ANXA6: variants seen among roughly 807,000 people sequenced by gnomAD.
ANXA6 encodes the protein annexin A6.
Under a neutral mutation model 95.4 loss-of-function variants are expected in ANXA6, and 71 were observed. The observed-to-expected ratio is 0.74, with a 90% CI of 0.61 to 0.91. The LOEUF (loss-of-function observed/expected upper bound fraction) is 0.91. ANXA6 is among the 40% of genes least tolerant of loss of function. The pLI, the probability that ANXA6 is intolerant of heterozygous loss-of-function variation, is 0.00. For synonymous variants in ANXA6, 289 were observed against 315.9 expected, an observed-to-expected ratio of 0.91 and a Z score of 0.90; for missense variants, 830 against 876.4, an observed-to-expected ratio of 0.95 and a Z score of 0.67.
chr5:151,138,761 T>C lies in ANXA6; in HGVS notation c.235A>G (p.Thr79Ala). 2 of 1,613,872 alleles carry C rather than the reference T, an allele frequency of 1.2e-6. No homozygotes were observed. Among genetic ancestry groups the C allele is most frequent in the South Asian group, 2.2e-5 (2 of 91,056 alleles). The change falls in exon 5 of 26, where the codon ACG becomes GCG. Residue 79 changes from threonine (T) to alanine (A), a missense_variant. Transcript: ENST00000354546. ...DLIADLKYEL[T>A]GKFERLIVGL... ...ACAATCAACCGTTCAAACTTGCCCG[T>C]CAATTCATACTTTAAATCAGCAATG...
intron 14 of ANXA6, among the ~76,000 whole-genome samples, 169 bp from the exon 15 acceptor site, chr5:151,124,536 T>TGAGAGAGA (rs56708608): frequency 2.7e-5 from 4 of 146,724 alleles, no homozygotes; most frequent in African/African-American, 1.0e-4. Flanking sequence ...GCACGAGAGC[T>TGAGAGAGA]GAGAGAGAGA....
chr5:151,123,418 G>A (rs1423551563), intron 15 of ANXA6, among the ~76,000 whole-genome samples: 2 of 152,192 alleles, frequency 1.3e-5, no homozygotes, highest in African/African-American at 4.8e-5. Flanking sequence ...TCCAAGTCCT[G>A]TTAGCAACTC....
intron 1 of ANXA6, among the ~76,000 whole-genome samples, chr5:151,154,517 G>A (rs1379274078): frequency 6.6e-6 from 1 of 152,008 alleles, no homozygotes; most frequent in Non-Finnish European, 1.5e-5. Context: ...AAGGCCCCTG[G>A]CCTATAAAAT....
intron 22 of ANXA6, among the ~76,000 whole-genome samples, chr5:151,109,273 G>C (rs1056698518): frequency 1.3e-5 from 2 of 152,192 alleles, no homozygotes; most frequent in African/African-American, 4.8e-5. Flanking sequence ...AAATGTCTCA[G>C]TGCAGGACAC....
chr5:151,130,430 T>C (rs897001836), intron 11 of ANXA6, among the ~76,000 whole-genome samples: 3 of 152,106 alleles, frequency 2.0e-5, no homozygotes, highest in Admixed American at 6.6e-5. Flanking sequence ...CTATTTGTTA[T>C]TTTTGTAGAG....
Position 151,153,223 on chromosome 5 carries a change from T to G in ANXA6, c.-26+4457A>C, listed in dbSNP as rs530941665. On this transcript the variant is annotated intron_variant, in intron 1 of 25. Transcript: ENST00000354546. ...CTTCCACCAACATTTTTAATCCAGC[T>G]TTCCAGAATCTATACCAGTGCTTTT... Among the ~76,000 whole-genome samples, 13 of 152,346 alleles carry G rather than the reference T, an allele frequency of 8.5e-5. No individual in the cohort carries two copies. In the South Asian group the frequency reaches 2.7e-3, roughly 32 times the overall value.
intron 2 of ANXA6, chr5:151,141,393 C>T: frequency 1.8e-6 from 1 of 569,004 alleles, no homozygotes; most frequent in Non-Finnish European, 2.2e-6. Context: ...ACAAGCACAT[C>T]AATTACTATA....
chr5:151,120,488 G>A (rs966905100), intron 17 of ANXA6, among the ~76,000 whole-genome samples: 6 of 151,702 alleles, frequency 4.0e-5, no homozygotes, highest in Non-Finnish European at 8.8e-5. Flanking sequence ...AAGCTGAAGA[G>A]GGCAGATCAC....
chr5:151,102,639 C>T (rs1401014988), intron 25 of ANXA6, among the ~76,000 whole-genome samples: 4 of 152,182 alleles, frequency 2.6e-5, no homozygotes, highest in East Asian at 1.9e-4. Context: ...AGGAGGTGGA[C>T]GTTGCAGTGA....
intron 2 of ANXA6, among the ~76,000 whole-genome samples, chr5:151,143,688 C>G (rs1479690121): frequency 6.6e-6 from 1 of 152,152 alleles, no homozygotes. Flanking sequence ...TCCGGGAGGG[C>G]AGGGACTGTG....
intron 12 of ANXA6, 78 bp downstream of exon 12, chr5:151,129,329 C>T (rs960693373): frequency 2.6e-6 from 4 of 1,562,778 alleles, no homozygotes; most frequent in Non-Finnish European, 3.5e-6. Context: ...ATTTCCTTTT[C>T]CTGGGAATAG....
At chr5:151,151,699 A>C (rs936508743) in intron 1 of ANXA6, among the ~76,000 whole-genome samples, 10 of 152,186 alleles carry the variant, frequency 6.6e-5, no homozygotes, top group South Asian at 2.1e-4. Flanking sequence ...GGATTTTCAC[A>C]GCAGAATATC....
chr5:151,151,035 G>A (rs1250270215), intron 1 of ANXA6: 4 of 152,214 alleles, frequency 2.6e-5, no homozygotes, highest in Non-Finnish European at 4.4e-5. Flanking sequence ...TCAAGGAGGG[G>A]CCTCTTACTG....
At chr5:151,107,351 G>A (rs953387623) in intron 23 of ANXA6, among the ~76,000 whole-genome samples, 1 of 152,328 alleles carries the variant, frequency 6.6e-6, no homozygotes, top group South Asian at 2.1e-4. Context: ...GAGACACAGA[G>A]GTTTTGTGAC....
At chr5:151,150,728 G>T (rs998228972) in intron 1 of ANXA6, among the ~76,000 whole-genome samples, 1 of 152,206 alleles carries the variant, frequency 6.6e-6, no homozygotes, top group African/African-American at 2.4e-5. Flanking sequence ...CCAGTGTGTG[G>T]TGGGGGGAGG....
At position 151,109,774 on chromosome 5, in the gene ANXA6, T is replaced by C. The variant is rs1764796726; in HGVS notation, c.1663A>G (p.Ser555Gly). 6.2e-7 allele frequency: 1 copy of C among 1,611,118 alleles called. No individual in the cohort carries two copies. The highest frequency in any genetic ancestry group is 8.5e-7 in the Non-Finnish European group (1 of 1,178,632). Residue 555 changes from serine (S) to glycine (G), a missense_variant, in exon 22 of 26, where the codon AGC becomes GGC. Coordinates refer to ENST00000354546, the MANE Select transcript of ANXA6 (RefSeq NM_001155.5). The stretch of plus-strand genomic sequence containing the variant: ...TCACCTCTCCGGAGGTGCGGATAGC[T>C]CCGGGTACACAGGATCGTCATGAAA... ...TRFMTILCTR[S>G]YPHLRRVFQE...
intron 12 of ANXA6, chr5:151,128,493 A>C (rs193036411): frequency 3.7e-5 from 17 of 462,670 alleles, no homozygotes; most frequent in Non-Finnish European, 6.4e-5. Context: ...CAAGTTACCA[A>C]TATGACTTTG....
intron 12 of ANXA6, among the ~76,000 whole-genome samples, chr5:151,128,636 C>T (rs1765398909): frequency 6.6e-6 from 1 of 152,036 alleles, no homozygotes; most frequent in African/African-American, 2.4e-5. Flanking sequence ...GTTCCATGAG[C>T]AAAAATATTG....
intron 20 of ANXA6, among the ~76,000 whole-genome samples, chr5:151,112,275 T>A (rs1285398945): frequency 6.6e-6 from 1 of 152,164 alleles, no homozygotes; most frequent in Non-Finnish European, 1.5e-5. Context: ...TATTTTTGTG[T>A]AATATAGTGT....
Sources: allele counts gnomAD v4.1 joint callset (sites outside exome capture counted in the v4.1 genomes callset), GRCh38; gene constraint gnomAD v4.1.1; transcripts MANE v1.5; gene names NCBI Gene and HGNC (gene_info 2026-07-23, HGNC 2026-07-21).